The following TSPEAR variants were observed in gnomAD, a reference collection of about 807,000 sequenced individuals.
The protein encoded by TSPEAR is thrombospondin-type laminin G domain and EAR repeat-containing protein.
Under a neutral mutation model 71.6 loss-of-function variants are expected in TSPEAR, and 69 were observed. That is an observed-to-expected ratio of 0.96 (90% CI 0.79 to 1.18). The LOEUF is 1.18. Among genes scored for constraint, TSPEAR ranks in the 50% most tolerant of loss-of-function variants. The probability of loss-of-function intolerance (pLI) is 0.00; values close to 1 mark genes in which losing one functional copy is unlikely to be tolerated. For synonymous variants in TSPEAR, 402 were observed against 387.2 expected, an observed-to-expected ratio of 1.04 and a Z score of -0.45; for missense variants, 971 against 894.9, an observed-to-expected ratio of 1.09 and a Z score of -1.09.
At position 44,530,019 on chromosome 21, in the gene TSPEAR, C is replaced by T. The variant is rs139906877; in HGVS notation, c.634-65G>A. ...GGGGAAGGACCCGCTGAGGAGGCGA[C>T]CACTGAGCTTGGCCCATCCAGAGCC... On this transcript the variant is annotated intron_variant, in intron 4 of 11. Transcript: ENST00000323084. 2.2e-4 allele frequency: 320 copies of T among 1,458,966 alleles called. No homozygotes were observed. In the East Asian group the frequency reaches 6.3e-3, roughly 29 times the overall value. The allele number at this position is 1,458,966 out of a possible 1,614,324, so 90.4% of individuals were successfully genotyped here. A position where few individuals can be genotyped will look rare whatever the true frequency, so the allele number is the denominator to read the frequency against.
chr21:44,500,131 T>C (rs2052001980), intron 11 of TSPEAR, among the ~76,000 whole-genome samples, 195 bp from the exon 12 acceptor site: 1 of 152,194 alleles, frequency 6.6e-6, no homozygotes, highest in African/African-American at 2.4e-5. Flanking sequence ...AGCAGGAGGC[T>C]GAGGCCCAGA....
At chr21:44,664,833 T>C (rs1985669849) in intron 1 of TSPEAR, among the ~76,000 whole-genome samples, 2 of 152,218 alleles carry the variant, frequency 1.3e-5, no homozygotes, top group Non-Finnish European at 2.9e-5. Context: ...ATCACAGAAC[T>C]TGGGCTCCAA....
chr21:44,580,220 C>A, intron 1 of TSPEAR: 1 of 1,614,036 alleles, frequency 6.2e-7, no homozygotes. Context: ...AGAGGCACAG[C>A]AAGTTGGCTG....
intron 1 of TSPEAR, among the ~76,000 whole-genome samples, chr21:44,705,519 G>C (rs1172858385): frequency 6.6e-6 from 1 of 152,326 alleles, no homozygotes; most frequent in South Asian, 2.1e-4. Context: ...TCTCAGCATG[G>C]GATATCCCTG....
intron 1 of TSPEAR, among the ~76,000 whole-genome samples, chr21:44,668,608 G>A (rs1241492772): frequency 6.6e-6 from 1 of 152,156 alleles, no homozygotes; most frequent in Admixed American, 6.5e-5. Flanking sequence ...AAAGAATAGA[G>A]CTGGAGGAGT....
intron 2 of TSPEAR, among the ~76,000 whole-genome samples, chr21:44,555,109 G>A (rs1433316646): frequency 1.3e-5 from 2 of 152,166 alleles, no homozygotes; most frequent in Non-Finnish European, 2.9e-5. Context: ...ATATCCTAAA[G>A]ACGGAAAAGC....
intron 1 of TSPEAR, among the ~76,000 whole-genome samples, chr21:44,624,772 C>T (rs1982660809): frequency 6.6e-6 from 1 of 152,290 alleles, no homozygotes; most frequent in African/African-American, 2.4e-5. Flanking sequence ...AAAAGCTGTG[C>T]TCAGCCTCAG....
chr21:44,647,300 C>T (rs1267340412), intron 1 of TSPEAR: 4 of 1,612,870 alleles, frequency 2.5e-6, no homozygotes, highest in Non-Finnish European at 3.4e-6. Flanking sequence ...TGCCGCCCCG[C>T]AAGCTCCCGC....
At chr21:44,606,771 A>G (rs1478352271) in intron 1 of TSPEAR, among the ~76,000 whole-genome samples, 1 of 152,254 alleles carries the variant, frequency 6.6e-6, no homozygotes, top group Admixed American at 6.5e-5. Context: ...AGCCAGGCAC[A>G]GAAAGACAAA....
chr21:44,634,856 T>C (rs1440257043), intron 1 of TSPEAR, among the ~76,000 whole-genome samples: 1 of 152,152 alleles, frequency 6.6e-6, no homozygotes, highest in Non-Finnish European at 1.5e-5. Flanking sequence ...AGGTAGCAGA[T>C]GTTGACAAGG....
intron 1 of TSPEAR, among the ~76,000 whole-genome samples, chr21:44,678,463 G>A (rs1216073104): frequency 6.6e-6 from 1 of 152,068 alleles, no homozygotes; most frequent in Non-Finnish European, 1.5e-5. Flanking sequence ...GCTTCCTGAG[G>A]CCTCCCTAGA....
intron 1 of TSPEAR, among the ~76,000 whole-genome samples, chr21:44,582,429 G>A (rs985866614): frequency 1.2e-4 from 19 of 152,232 alleles, no homozygotes; most frequent in African/African-American, 4.6e-4. Flanking sequence ...AGCGGGATGT[G>A]GTAAGGCTGA....
intron 1 of TSPEAR, among the ~76,000 whole-genome samples, chr21:44,679,162 T>G (rs764379453): frequency 3.9e-5 from 6 of 152,174 alleles, no homozygotes; most frequent in Non-Finnish European, 7.4e-5. Context: ...AGACATGGCT[T>G]CTGTTTTAAG....
intron 4 of TSPEAR, among the ~76,000 whole-genome samples, chr21:44,530,458 CGCA>C (rs2052946247): frequency 7.1e-6 from 1 of 140,160 alleles, no homozygotes; most frequent in African/African-American, 3.1e-5. Context: ...CATCTCTCCA[CGCA>C]TCCATCCCTC....
intron 1 of TSPEAR, among the ~76,000 whole-genome samples, chr21:44,585,676 T>TTG (rs1979290664): frequency 1.3e-5 from 2 of 152,192 alleles, no homozygotes; most frequent in Non-Finnish European, 2.9e-5. Context: ...TTCCATATGT[T>TTG]TGGAGTGTCA....
chr21:44,654,419 A>G, intron 1 of TSPEAR: 2 of 1,614,160 alleles, frequency 1.2e-6, no homozygotes, highest in East Asian at 2.2e-5. Flanking sequence ...GCCACCTGGC[A>G]GGGGCTGGGC....
chr21:44,570,087 C>T (rs781831880), intron 1 of TSPEAR, among the ~76,000 whole-genome samples: 9 of 152,158 alleles, frequency 5.9e-5, no homozygotes, highest in Non-Finnish European at 1.0e-4. Context: ...AGCTTGAGCA[C>T]GACCAGGGGC....
chr21:44,632,404 G>C (rs1224984984), intron 1 of TSPEAR, among the ~76,000 whole-genome samples: 2 of 152,158 alleles, frequency 1.3e-5, no homozygotes, highest in African/African-American at 2.4e-5. Flanking sequence ...ATGATTCTTT[G>C]AAACTAAAGG....
chr21:44,666,415 C>G (rs1555944690), intron 1 of TSPEAR: 1 of 1,559,414 alleles, frequency 6.4e-7, no homozygotes, highest in East Asian at 2.2e-5. Context: ...GCCTCATCTG[C>G]ACTGGGAGCA....
Sources: gnomAD v4.1 joint callset for allele counts (sites outside exome capture counted in the v4.1 genomes callset) on GRCh38, gnomAD v4.1.1 for gene constraint, MANE v1.5 for transcripts, NCBI Gene and HGNC (gene_info 2026-07-23, HGNC 2026-07-21) for gene names.